Variants in RNLS observed in about 807,000 individuals in gnomAD.
RNLS encodes renalase.
In RNLS, 39 loss-of-function variants were observed where a neutral mutation model predicts 39.8. The ratio of observed to expected loss-of-function variants is 0.98; its 90% confidence interval spans 0.76 to 1.28. The LOEUF is 1.28. Ranked by LOEUF, RNLS falls within the 50% of genes most tolerant of loss-of-function variation. The pLI, the probability that RNLS is intolerant of heterozygous loss-of-function variation, is 0.00. For missense variants in RNLS, 410 were observed against 413.3 expected (o/e 0.99, Z 0.07); for synonymous variants, 147 against 150.7 (o/e 0.98, Z 0.18).
the RNLS span, among the ~76,000 whole-genome samples, chr10:88,187,668 CTTTCTGGGTTAAACCACTGAGAT>C: frequency 7.9e-3 from 1,207 of 152,284 alleles, 11 homozygotes; most frequent in African/African-American, 0.027. Flanking sequence ...AGAAATAAGC[CTTTCTGGGTTAAACCACTGAGAT>C]TTAGGGAAGT....
the RNLS span, among the ~76,000 whole-genome samples, chr10:88,174,930 C>T: frequency 2.0e-5 from 3 of 152,156 alleles, no homozygotes; most frequent in African/African-American, 7.2e-5. Flanking sequence ...ATGATTCAAT[C>T]TTGTTACTTG....
At chr10:88,205,423 C>A in the RNLS span, among the ~76,000 whole-genome samples, 5 of 152,038 alleles carry the variant, frequency 3.3e-5, no homozygotes, top group Admixed American at 6.6e-5. Context: ...CAACAGACCC[C>A]ATGTTGTTAT....
chr10:88,362,732 A>G lies in RNLS; in HGVS notation c.527-7T>C. 1 of 1,605,784 alleles carries G rather than the reference A, an allele frequency of 6.2e-7. No individual in the cohort carries two copies. The highest frequency in any genetic ancestry group is 8.5e-7 in the Non-Finnish European group (1 of 1,176,988). On this transcript the variant is annotated splice_polypyrimidine_tract_variant and splice_region_variant and intron_variant, in intron 4 of 6. Coordinates refer to ENST00000331772, the MANE Select transcript of RNLS (RefSeq NM_001031709.3). ...CTTTGGCATTCACTAATTACTGTGG[A>G]AGAAAAAATAAAAGGCATCAAACTT...
the RNLS span, among the ~76,000 whole-genome samples, chr10:88,178,108 C>T: frequency 1.5e-4 from 23 of 152,268 alleles, no homozygotes; most frequent in Middle Eastern, 6.8e-3. Flanking sequence ...TTCTGCTGCG[C>T]GGGACTTCCT....
intron 4 of RNLS, among the ~76,000 whole-genome samples, chr10:88,364,996 A>C (rs943180791): frequency 2.0e-5 from 3 of 152,158 alleles, no homozygotes; most frequent in Admixed American, 2.0e-4. Context: ...TGAAGGATCA[A>C]TAGGTTGACA....
chr10:88,218,969 T>C, the RNLS span, among the ~76,000 whole-genome samples: 1 of 152,142 alleles, frequency 6.6e-6, no homozygotes, highest in Admixed American at 6.6e-5. Flanking sequence ...TATCCAGACA[T>C]CCCCAGCTCT....
chr10:88,547,935 GAAAA>G (rs777219369), intron 4 of RNLS, among the ~76,000 whole-genome samples: 1 of 151,838 alleles, frequency 6.6e-6, no homozygotes, highest in Non-Finnish European at 1.5e-5. Context: ...AATAAACAAA[GAAAA>G]AGAATCTACA....
intron 4 of RNLS, among the ~76,000 whole-genome samples, chr10:88,485,074 C>A (rs1844412231): frequency 6.6e-6 from 1 of 151,746 alleles, no homozygotes; most frequent in Non-Finnish European, 1.5e-5. Context: ...CAACACAATC[C>A]CAATCAAAAT....
chr10:88,542,015 C>T (rs1200933090), intron 4 of RNLS, among the ~76,000 whole-genome samples: 1 of 152,112 alleles, frequency 6.6e-6, no homozygotes, highest in Non-Finnish European at 1.5e-5. Flanking sequence ...TAAAAGACGC[C>T]TTTGCATTTT....
intron 6 of RNLS, among the ~76,000 whole-genome samples, chr10:88,299,453 T>C (rs949427965): frequency 2.0e-5 from 3 of 152,076 alleles, no homozygotes; most frequent in South Asian, 2.1e-4. Flanking sequence ...TGAAACCCCA[T>C]CTCTACTAAA....
At chr10:88,339,752 A>G (rs1847794952) in intron 5 of RNLS, among the ~76,000 whole-genome samples, 1 of 152,188 alleles carries the variant, frequency 6.6e-6, no homozygotes, top group Admixed American at 6.5e-5. Flanking sequence ...ATTATTCTAA[A>G]TTCCACTATA....
intron 4 of RNLS, among the ~76,000 whole-genome samples, chr10:88,399,466 A>G (rs1414748785): frequency 6.6e-6 from 1 of 152,072 alleles, no homozygotes; most frequent in African/African-American, 2.4e-5. Flanking sequence ...AGAAGCAATG[A>G]AGTACTCATT....
chr10:88,275,584 C>T (rs12415812), intron 6 of RNLS, among the ~76,000 whole-genome samples: 37,962 of 151,934 alleles, frequency 0.25, 4,805 homozygotes, highest in South Asian at 0.31. Flanking sequence ...TAAAAATCAA[C>T]GAAATATATC....
chr10:88,208,123 C>T, the RNLS span, among the ~76,000 whole-genome samples: 9 of 152,198 alleles, frequency 5.9e-5, 1 homozygote, highest in South Asian at 1.9e-3. Flanking sequence ...GCGAATTGTA[C>T]CACCCTTCCT....
chr10:88,377,928 G>A (rs1191636605), intron 4 of RNLS, among the ~76,000 whole-genome samples: 4 of 151,858 alleles, frequency 2.6e-5, no homozygotes, highest in South Asian at 2.1e-4. Flanking sequence ...ATAGCTGTAC[G>A]AAAATATTTT....
intron 5 of RNLS, among the ~76,000 whole-genome samples, chr10:88,338,848 G>A (rs1265174313): frequency 2.1e-5 from 3 of 140,806 alleles, no homozygotes; most frequent in Non-Finnish European, 4.5e-5. Context: ...TGCAAGCTCC[G>A]CCTCCCGGGC....
chr10:88,296,997 G>A (rs181155402), intron 6 of RNLS, among the ~76,000 whole-genome samples: 1 of 152,148 alleles, frequency 6.6e-6, no homozygotes, highest in African/African-American at 2.4e-5. Context: ...TTTTATTACT[G>A]AGTAGTTTTT....
At chr10:88,346,138 T>C (rs910871878) in intron 5 of RNLS, among the ~76,000 whole-genome samples, 1 of 152,112 alleles carries the variant, frequency 6.6e-6, no homozygotes, top group South Asian at 2.1e-4. Context: ...AAATGGCACA[T>C]TTACAGAGCT....
At chr10:88,356,964 C>T (rs1258876599) in intron 5 of RNLS, among the ~76,000 whole-genome samples, 2 of 152,324 alleles carry the variant, frequency 1.3e-5, no homozygotes, top group Middle Eastern at 3.4e-3. Context: ...TGATCATTTT[C>T]AGGGTTGCTT....
Sources: gnomAD v4.1 joint callset for allele counts (sites outside exome capture counted in the v4.1 genomes callset) on GRCh38, gnomAD v4.1.1 for gene constraint, MANE v1.5 for transcripts, NCBI Gene and HGNC (gene_info 2026-07-23, HGNC 2026-07-21) for gene names.